FRMPD4: variants seen among roughly 807,000 people sequenced by gnomAD.
FRMPD4 encodes the protein FERM and PDZ domain containing 4.
Under a neutral mutation model 94.1 loss-of-function variants are expected in FRMPD4, and 22 were observed. That is an observed-to-expected ratio of 0.23 (90% confidence interval 0.17 to 0.33). The LOEUF (loss-of-function observed/expected upper bound fraction) is 0.33. Ranked by LOEUF, FRMPD4 falls within the 10% of genes least tolerant of loss-of-function variation. FRMPD4 has a pLI of 1.00. For missense variants in FRMPD4, 1,111 were observed against 1,339.9 expected (o/e 0.83, Z 2.67); for synonymous variants, 631 against 548.6 (o/e 1.15, Z -2.10).
chrX:12,093,602 C>CA (rs11301557), intron 3 of FRMPD4, among the ~76,000 whole-genome samples: 15,008 of 61,283 alleles, frequency 0.24, 1,281 homozygotes, highest in Middle Eastern at 0.38. Flanking sequence ...AAAACCAAGA[C>CA]AAAAAAAAAA....
At position 12,176,417 on chromosome X, in the gene FRMPD4, A is replaced by C. The variant is rs148113403; in HGVS notation, c.41+37405A>C. 4.1e-3 allele frequency among the ~76,000 whole-genome samples: 465 copies of C among 112,067 alleles called. 4 individuals are homozygous for C. Among genetic ancestry groups the C allele is most frequent in the African/African-American group, 0.015 (449 of 30,904 alleles). Reference sequence around the variant, plus strand: ...GTCACTCACCTTCCAATCAAGACAAAAAAAAGCCATATAAGAATTTTATTG... The same window carrying C: ...GTCACTCACCTTCCAATCAAGACAACAAAAAGCCATATAAGAATTTTATTG... On this transcript the variant is annotated intron_variant, in intron 1 of 16. Coordinates refer to ENST00000675598, the MANE Select transcript of FRMPD4 (RefSeq NM_001368397.1).
At chrX:12,307,495 C>T (rs1011579185) in intron 1 of FRMPD4, among the ~76,000 whole-genome samples, 4 of 111,777 alleles carry the variant, frequency 3.6e-5, no homozygotes, top group East Asian at 2.8e-4. Context: ...AAATCCGACA[C>T]AAATAATTCA....
chrX:12,222,160 C>T (rs980029), intron 1 of FRMPD4, among the ~76,000 whole-genome samples: 16,204 of 110,689 alleles, frequency 0.15, 1,198 homozygotes, highest in East Asian at 0.49. Flanking sequence ...TAACAAGACT[C>T]TGTCCCTACA....
intron 4 of FRMPD4, among the ~76,000 whole-genome samples, chrX:12,632,503 A>T (rs2059404793): frequency 8.9e-6 from 1 of 112,355 alleles, no homozygotes; most frequent in South Asian, 3.7e-4. Flanking sequence ...TATACTATTA[A>T]CAGTAGAAGA....
chrX:12,718,735 G>T lies in FRMPD4; in HGVS notation c.3909G>T (p.Leu1303=), dbSNP rs1472705066. ...ALHTAINTEP[L]FGTLRDGCHR... ...ACACAGCCATTAACACCGAACCCCTGTTTGGCACATTGAGAGATGGATGCC... is the reference window on the plus strand; with the variant it reads ...ACACAGCCATTAACACCGAACCCCTTTTTGGCACATTGAGAGATGGATGCC... The change falls in exon 16 of 17, where the codon CTG becomes CTT. Residue 1303 remains leucine, a synonymous_variant. Coordinates refer to ENST00000675598, the MANE Select transcript of FRMPD4 (RefSeq NM_001368397.1). The T allele has an allele frequency of 1.7e-6, 2 of 1,209,583 alleles. No homozygotes were observed. The highest frequency in any genetic ancestry group is 4.3e-5 in the Admixed American group (2 of 46,044).
At chrX:12,117,235 A>G (rs892284139) in intron 3 of FRMPD4, among the ~76,000 whole-genome samples, 2 of 107,149 alleles carry the variant, frequency 1.9e-5, no homozygotes, top group African/African-American at 6.8e-5. Context: ...CTCATCTGCA[A>G]AATGGGAAGA....
chrX:12,528,398 G>C (rs1437099539), intron 2 of FRMPD4, among the ~76,000 whole-genome samples: 1 of 99,475 alleles, frequency 1.0e-5, no homozygotes, highest in Non-Finnish European at 2.0e-5. Flanking sequence ...TCGGCTCACT[G>C]CAACCTCCAC....
chrX:12,430,654 C>T (rs1472086326), intron 1 of FRMPD4, among the ~76,000 whole-genome samples: 8 of 111,639 alleles, frequency 7.2e-5, no homozygotes, highest in Non-Finnish European at 1.3e-4. Context: ...AGCAGCTGGA[C>T]ATTGATGGCC....
intron 1 of FRMPD4, among the ~76,000 whole-genome samples, chrX:12,414,628 A>G (rs10521624): frequency 0.011 from 1,252 of 111,803 alleles, 21 homozygotes; most frequent in African/African-American, 0.039. Flanking sequence ...TCGGAGAGCC[A>G]TTAGTATATA....
intron 3 of FRMPD4, among the ~76,000 whole-genome samples, chrX:11,920,404 T>C (rs1419026282): frequency 8.9e-6 from 1 of 111,892 alleles, no homozygotes; most frequent in Non-Finnish European, 1.9e-5. Context: ...TTCCCATCTC[T>C]ACTTTCTCCA....
chrX:11,989,311 G>A (rs1366071560), intron 3 of FRMPD4, among the ~76,000 whole-genome samples: 1 of 111,757 alleles, frequency 8.9e-6, no homozygotes, highest in Non-Finnish European at 1.9e-5. Context: ...AAAAGAGAAT[G>A]GGATCCTGTC....
chrX:12,543,532 A>G (rs1187444529), intron 2 of FRMPD4, among the ~76,000 whole-genome samples: 1 of 112,274 alleles, frequency 8.9e-6, no homozygotes, highest in Non-Finnish European at 1.9e-5. Flanking sequence ...AATCAAAACC[A>G]CAATGAGATA....
chrX:12,352,657 T>C (rs189969707), intron 1 of FRMPD4, among the ~76,000 whole-genome samples: 1 of 112,313 alleles, frequency 8.9e-6, no homozygotes, highest in East Asian at 2.8e-4. Context: ...AGAGGGAACA[T>C]TTTAACAGCA....
intron 3 of FRMPD4, among the ~76,000 whole-genome samples, chrX:12,007,221 T>G (rs5935224): frequency 0.15 from 16,094 of 110,279 alleles, 1,251 homozygotes; most frequent in African/African-American, 0.28. Flanking sequence ...ACATTGAGAG[T>G]AACTAAGACT....
chrX:12,470,567 C>T (rs1296882659), intron 1 of FRMPD4, among the ~76,000 whole-genome samples: 2 of 112,097 alleles, frequency 1.8e-5, no homozygotes, highest in Admixed American at 9.5e-5. Flanking sequence ...TGGCTAGGCT[C>T]ACACATATTA....
chrX:11,884,024 C>T (rs1293239088), intron 3 of FRMPD4, among the ~76,000 whole-genome samples: 2 of 111,447 alleles, frequency 1.8e-5, no homozygotes, highest in Admixed American at 9.5e-5. Flanking sequence ...CATCTTAGGG[C>T]CTCATCTCCC....
intron 1 of FRMPD4, among the ~76,000 whole-genome samples, chrX:12,436,195 G>T (rs754140456): frequency 3.6e-5 from 4 of 110,850 alleles, no homozygotes; most frequent in African/African-American, 6.6e-5. Context: ...TAGTGGACAC[G>T]GGTTTCATCA....
At chrX:12,061,484 C>T (rs2054886099) in intron 3 of FRMPD4, among the ~76,000 whole-genome samples, 1 of 111,503 alleles carries the variant, frequency 9.0e-6, no homozygotes, top group Non-Finnish European at 1.9e-5. Flanking sequence ...TCCTGCAATA[C>T]CCATTGGGGA....
At chrX:12,260,802 A>C (rs1240345641) in intron 1 of FRMPD4, among the ~76,000 whole-genome samples, 1 of 111,817 alleles carries the variant, frequency 8.9e-6, no homozygotes, top group Non-Finnish European at 1.9e-5. Context: ...TAGTTCTCCC[A>C]ATAAAGCATG....
Sources: allele counts gnomAD v4.1 joint callset (sites outside exome capture counted in the v4.1 genomes callset), GRCh38; gene constraint gnomAD v4.1.1; transcripts MANE v1.5; gene names NCBI Gene and HGNC (gene_info 2026-07-23, HGNC 2026-07-21).